The following C1orf21 variants were observed in gnomAD, a reference collection of about 807,000 sequenced individuals.
C1orf21 encodes uncharacterized protein C1orf21.
In C1orf21, 3 loss-of-function variants were observed where a neutral mutation model predicts 18.7. The observed-to-expected ratio is 0.16, with a 90% CI of 0.07 to 0.42. The LOEUF (loss-of-function observed/expected upper bound fraction) is 0.42, where lower values mean the gene tolerates loss of function less well. C1orf21 is among the 10% of genes least tolerant of loss of function. C1orf21 has a pLI of 0.99. For missense variants in C1orf21, 104 were observed against 143.6 expected, an observed-to-expected ratio of 0.72 and a Z score of 1.41; for synonymous variants, 41 against 46.4, an observed-to-expected ratio of 0.88 and a Z score of 0.47.
chr1:184,619,673 G>A lies in C1orf21; in HGVS notation c.*117G>A, dbSNP rs781246797. On this transcript the variant is annotated 3_prime_UTR_variant, in exon 6 of 6. Transcript: ENST00000235307. ...AACAGCACTATAGCAAAAGAAGATCGTTCCATATTGTACGCCCCATTAAAT... is the reference window on the plus strand; with the variant it reads ...AACAGCACTATAGCAAAAGAAGATCATTCCATATTGTACGCCCCATTAAAT... 58 of 862,506 alleles carry A rather than the reference G, an allele frequency of 6.7e-5. No homozygotes were observed. The highest frequency in any genetic ancestry group is 1.7e-4 in the African/African-American group (10 of 57,188). The allele number at this position is 862,506 out of a possible 1,614,324, so 53.4% of individuals were successfully genotyped here. A position where few individuals can be genotyped will look rare whatever the true frequency, so the allele number is the denominator to read the frequency against.
chr1:184,504,991 T>C (rs1404624775), intron 2 of C1orf21, among the ~76,000 whole-genome samples: 1 of 152,182 alleles, frequency 6.6e-6, no homozygotes, highest in African/African-American at 2.4e-5. Context: ...TTCCATTTCA[T>C]TGGAAAAACA....
At chr1:184,536,146 G>A (rs1205066985) in intron 3 of C1orf21, among the ~76,000 whole-genome samples, 1 of 152,158 alleles carries the variant, frequency 6.6e-6, no homozygotes, top group Non-Finnish European at 1.5e-5. Context: ...ATGACCCTGG[G>A]CATGCCTTTT....
At chr1:184,452,085 A>T (rs1231906023) in intron 1 of C1orf21, among the ~76,000 whole-genome samples, 1 of 152,212 alleles carries the variant, frequency 6.6e-6, no homozygotes, top group Non-Finnish European at 1.5e-5. Flanking sequence ...TTTCCTTCTT[A>T]GTAGTGTGGA....
At chr1:184,507,922 T>C (rs1658088410) in intron 3 of C1orf21, among the ~76,000 whole-genome samples, 1 of 152,192 alleles carries the variant, frequency 6.6e-6, no homozygotes, top group African/African-American at 2.4e-5. Context: ...ATTCGTGTTT[T>C]AAAATAGCTA....
At chr1:184,565,041 T>G (rs537705174) in intron 3 of C1orf21, among the ~76,000 whole-genome samples, 12 of 152,178 alleles carry the variant, frequency 7.9e-5, no homozygotes, top group Non-Finnish European at 1.8e-4. Flanking sequence ...TTACCACTGA[T>G]GTAAAATGAA....
At chr1:184,570,636 A>G (rs1413349838) in intron 3 of C1orf21, among the ~76,000 whole-genome samples, 1 of 152,206 alleles carries the variant, frequency 6.6e-6, no homozygotes, top group African/African-American at 2.4e-5. Flanking sequence ...AAAGTTTTTA[A>G]AAAGTAATAT....
chr1:184,570,201 A>G (rs1418508035), intron 3 of C1orf21, among the ~76,000 whole-genome samples: 1 of 152,168 alleles, frequency 6.6e-6, no homozygotes, highest in Admixed American at 6.5e-5. Flanking sequence ...TTTTTAAATC[A>G]GTAAAAGACA....
chr1:184,503,621 A>G (rs1271490928), intron 2 of C1orf21, among the ~76,000 whole-genome samples: 5 of 152,258 alleles, frequency 3.3e-5, no homozygotes, highest in East Asian at 1.9e-4. Flanking sequence ...ATAGTTAGCT[A>G]TGCTGAAGTG....
chr1:184,410,663 A>ATATAT (rs67546366), intron 1 of C1orf21, among the ~76,000 whole-genome samples: 39 of 7,650 alleles, frequency 5.1e-3, no homozygotes, highest in Non-Finnish European at 6.2e-3. Context: ...ATATATATAT[A>ATATAT]TTTTTTTTTT....
chr1:184,481,739 A>C (rs1657661536), intron 2 of C1orf21, among the ~76,000 whole-genome samples: 1 of 152,220 alleles, frequency 6.6e-6, no homozygotes, highest in South Asian at 2.1e-4. Flanking sequence ...CATAAATATT[A>C]GGAAGTTTGT....
At chr1:184,410,663 A>ATATATATATTT (rs67546366) in intron 1 of C1orf21, among the ~76,000 whole-genome samples, 2 of 7,674 alleles carry the variant, frequency 2.6e-4, no homozygotes, top group African/African-American at 1.4e-3. Context: ...ATATATATAT[A>ATATATATATTT]TTTTTTTTTT....
intron 1 of C1orf21, among the ~76,000 whole-genome samples, chr1:184,467,181 T>A (rs940782347): frequency 1.2e-4 from 18 of 152,162 alleles, no homozygotes; most frequent in African/African-American, 4.3e-4. Flanking sequence ...AGCCGTCTCA[T>A]CTCTTCATGA....
At chr1:184,470,468 C>T (rs1571373583) in intron 1 of C1orf21, among the ~76,000 whole-genome samples, 1 of 152,148 alleles carries the variant, frequency 6.6e-6, no homozygotes, top group Middle Eastern at 3.2e-3. Flanking sequence ...ACCAGCAGCA[C>T]ATCTGTCAAG....
chr1:184,506,698 G>A (rs948346938), intron 2 of C1orf21, among the ~76,000 whole-genome samples: 3 of 152,136 alleles, frequency 2.0e-5, no homozygotes, highest in East Asian at 1.9e-4. Flanking sequence ...ACTTTAGTGC[G>A]CTCAAATCAT....
Position 184,446,161 on chromosome 1 carries a change from G to A in C1orf21, c.-124-31225G>A, listed in dbSNP as rs549702399. ...TTCTTCATGCCTTTAGGATTATTGC[G>A]ATGGATGTCAGTTATTATCTCAAAT... On this transcript the variant is annotated intron_variant, in intron 1 of 5. Transcript: ENST00000235307. Among the ~76,000 whole-genome samples the A allele has an allele frequency of 5.4e-3, 815 of 152,076 alleles. 9 individuals are homozygous for A. Among genetic ancestry groups the A allele is most frequent in the African/African-American group, 0.018 (763 of 41,504 alleles).
At chr1:184,612,230 C>T (rs1269579351) in intron 5 of C1orf21, among the ~76,000 whole-genome samples, 1 of 152,194 alleles carries the variant, frequency 6.6e-6, no homozygotes, top group Non-Finnish European at 1.5e-5. Flanking sequence ...CCTGCTTTAT[C>T]ACAAGCATAA....
chr1:184,399,347 T>A (rs1016224984), intron 1 of C1orf21, among the ~76,000 whole-genome samples: 1 of 146,680 alleles, frequency 6.8e-6, no homozygotes, highest in Non-Finnish European at 1.5e-5. Context: ...GGAAGTGTTA[T>A]GTACTTCTAT....
At chr1:184,435,967 A>G (rs1284139202) in intron 1 of C1orf21, among the ~76,000 whole-genome samples, 1 of 152,230 alleles carries the variant, frequency 6.6e-6, no homozygotes, top group Non-Finnish European at 1.5e-5. Context: ...ACAAAGAAGC[A>G]GCCGTTGCCA....
At chr1:184,607,811 GAA>G (rs1313456419) in intron 5 of C1orf21, among the ~76,000 whole-genome samples, 5 of 151,732 alleles carry the variant, frequency 3.3e-5, no homozygotes, top group Non-Finnish European at 7.4e-5. Flanking sequence ...ATTATTAAGT[GAA>G]GAGAGGATTA....
Sources: gnomAD v4.1 joint callset for allele counts (sites outside exome capture counted in the v4.1 genomes callset) on GRCh38, gnomAD v4.1.1 for gene constraint, MANE v1.5 for transcripts, NCBI Gene and HGNC (gene_info 2026-07-23, HGNC 2026-07-21) for gene names.